The following EDIL3 variants were observed in gnomAD, a reference collection of about 807,000 sequenced individuals.
EDIL3 encodes the protein EGF like and discoidin domains 3.
A neutral mutation model predicts 67.4 loss-of-function variants in EDIL3; 37 were observed. The ratio of observed to expected loss-of-function variants is 0.55; its 90% CI spans 0.42 to 0.72. The LOEUF is 0.72. Among genes scored for constraint, EDIL3 ranks in the 30% least tolerant of loss-of-function variants. The probability of loss-of-function intolerance (pLI) is 0.00; values close to 1 mark genes in which losing one functional copy is unlikely to be tolerated. For synonymous variants in EDIL3, 195 were observed against 196.3 expected (o/e 0.99, Z 0.05); for missense variants, 527 against 586.3 (o/e 0.90, Z 1.04).
chr5:84,139,825 T>G (rs1748158548), intron 4 of EDIL3, among the ~76,000 whole-genome samples: 1 of 152,170 alleles, frequency 6.6e-6, no homozygotes, highest in Non-Finnish European at 1.5e-5. Flanking sequence ...AATAAGGATG[T>G]GATATAGATG....
At chr5:84,322,630 G>C (rs1746672499) in intron 1 of EDIL3, among the ~76,000 whole-genome samples, 1 of 152,030 alleles carries the variant, frequency 6.6e-6, no homozygotes, top group Admixed American at 6.6e-5. Context: ...AAGAGACCTA[G>C]ATGAAGGCAG....
intron 9 of EDIL3, among the ~76,000 whole-genome samples, chr5:83,987,959 C>T (rs528939205): frequency 6.7e-6 from 1 of 150,228 alleles, no homozygotes; most frequent in Admixed American, 6.6e-5. Context: ...TACTAGAAAG[C>T]AAAATGGAAC....
At chr5:84,122,113 T>C (rs1290092387) in intron 5 of EDIL3, among the ~76,000 whole-genome samples, 2 of 151,968 alleles carry the variant, frequency 1.3e-5, no homozygotes, top group Non-Finnish European at 2.9e-5. Context: ...TCAAGTGCAC[T>C]TCACTCTTGT....
intron 9 of EDIL3, among the ~76,000 whole-genome samples, chr5:83,996,636 C>T (rs922194179): frequency 6.6e-6 from 1 of 152,140 alleles, no homozygotes; most frequent in African/African-American, 2.4e-5. Context: ...GTCCATTAGT[C>T]AGAGGTAACA....
intron 2 of EDIL3, among the ~76,000 whole-genome samples, chr5:84,231,749 A>C (rs1026751849): frequency 3.3e-5 from 5 of 152,214 alleles, no homozygotes; most frequent in Non-Finnish European, 7.3e-5. Flanking sequence ...TATCATGTCC[A>C]AAATATATCA....
intron 5 of EDIL3, among the ~76,000 whole-genome samples, chr5:84,108,248 A>G (rs1477626763): frequency 6.6e-6 from 1 of 152,012 alleles, no homozygotes; most frequent in Non-Finnish European, 1.5e-5. Flanking sequence ...AAACATGGTA[A>G]GTAGCTCTGA....
At chr5:84,214,998 G>A (rs113727163) in intron 3 of EDIL3, among the ~76,000 whole-genome samples, 1 of 152,238 alleles carries the variant, frequency 6.6e-6, no homozygotes, top group Non-Finnish European at 1.5e-5. Flanking sequence ...AGGATTATAG[G>A]CGTGAGCCAC....
At chr5:84,177,872 G>T (rs1748948701) in intron 4 of EDIL3, among the ~76,000 whole-genome samples, 1 of 152,046 alleles carries the variant, frequency 6.6e-6, no homozygotes, top group Non-Finnish European at 1.5e-5. Flanking sequence ...CTATATATTT[G>T]TCACTCCTGT....
At chr5:83,999,044 A>G (rs1745281696) in intron 9 of EDIL3, among the ~76,000 whole-genome samples, 1 of 152,172 alleles carries the variant, frequency 6.6e-6, no homozygotes, top group Non-Finnish European at 1.5e-5. Context: ...TGGTACCTCT[A>G]CAAGTCTGCA....
At chr5:84,191,986 T>C (rs347378) in intron 3 of EDIL3, among the ~76,000 whole-genome samples, 95,633 of 151,812 alleles carry the variant, frequency 0.63, 30,511 homozygotes, top group East Asian at 0.76. Context: ...CTTAGGGTTA[T>C]AGCCATTAAC....
chr5:84,066,381 T>C, intron 7 of EDIL3, 70 bp downstream of exon 7: 5 of 1,477,398 alleles, frequency 3.4e-6, no homozygotes, highest in Admixed American at 5.3e-5. Flanking sequence ...CCTGAAGACC[T>C]TGTCATTTGA....
At chr5:84,097,442 T>A (rs1263892897) in intron 6 of EDIL3, among the ~76,000 whole-genome samples, 1 of 152,200 alleles carries the variant, frequency 6.6e-6, no homozygotes, top group Admixed American at 6.6e-5. Context: ...TTAATGTAGT[T>A]TTTACTTTAA....
At chr5:84,131,166 A>C (rs1193888399) in intron 5 of EDIL3, among the ~76,000 whole-genome samples, 2 of 152,098 alleles carry the variant, frequency 1.3e-5, no homozygotes, top group Non-Finnish European at 2.9e-5. Flanking sequence ...TCTTTATAAC[A>C]GTTATTGACC....
At chr5:84,013,078 C>T (rs1309464317) in intron 9 of EDIL3, among the ~76,000 whole-genome samples, 7 of 151,744 alleles carry the variant, frequency 4.6e-5, no homozygotes, top group Admixed American at 4.6e-4. Flanking sequence ...ATAATAAAAA[C>T]TTTCTAAGCT....
chr5:83,992,051 A>G (rs1745159331), intron 9 of EDIL3, among the ~76,000 whole-genome samples: 1 of 152,190 alleles, frequency 6.6e-6, no homozygotes. Flanking sequence ...AACCAGTGGT[A>G]TTCAAGAATG....
chr5:84,018,186 T>C (rs1484814367), intron 9 of EDIL3, among the ~76,000 whole-genome samples: 1 of 152,186 alleles, frequency 6.6e-6, no homozygotes, highest in African/African-American at 2.4e-5. Flanking sequence ...AAAGCATATA[T>C]TAACTTACCT....
At chr5:84,353,542 C>A (rs1018509772) in intron 1 of EDIL3, among the ~76,000 whole-genome samples, 1 of 151,956 alleles carries the variant, frequency 6.6e-6, no homozygotes. Flanking sequence ...TTATCTTGAA[C>A]GAAAAACTGA....
chr5:84,372,373 G>A (rs548042556), intron 1 of EDIL3, among the ~76,000 whole-genome samples: 15 of 152,272 alleles, frequency 9.9e-5, no homozygotes, highest in African/African-American at 3.6e-4. Flanking sequence ...TATATTAAAA[G>A]GAGAGATGAA....
intron 1 of EDIL3, among the ~76,000 whole-genome samples, chr5:84,365,497 T>A (rs189717053): frequency 6.6e-6 from 1 of 152,254 alleles, no homozygotes; most frequent in Admixed American, 6.5e-5. Flanking sequence ...AAGACACAAC[T>A]TATAGTCTAT....
Sources: allele counts gnomAD v4.1 joint callset (sites outside exome capture counted in the v4.1 genomes callset), GRCh38; gene constraint gnomAD v4.1.1; transcripts MANE v1.5; gene names NCBI Gene and HGNC (gene_info 2026-07-23, HGNC 2026-07-21).